Variants in PAAF1 observed in about 807,000 individuals in gnomAD.
PAAF1 encodes the protein proteasomal ATPase-associated factor 1.
PAAF1 carries 46 observed loss-of-function variants against 52.8 expected under a neutral mutation model. The observed-to-expected ratio is 0.87, with a 90% CI of 0.69 to 1.11. The LOEUF is 1.11. Among genes scored for constraint, PAAF1 ranks in the 50% most tolerant of loss-of-function variants. PAAF1 has a pLI of 0.00. For missense variants in PAAF1, 424 were observed against 477.4 expected, an observed-to-expected ratio of 0.89 and a Z score of 1.04; for synonymous variants, 178 against 172.8, an observed-to-expected ratio of 1.03 and a Z score of -0.24.
intron 6 of PAAF1, among the ~76,000 whole-genome samples, chr11:73,902,547 A>G (rs1949650702): frequency 6.6e-6 from 1 of 152,224 alleles, no homozygotes; most frequent in East Asian, 1.9e-4. Flanking sequence ...CATATTCAAC[A>G]TCAGTGCACA....
chr11:73,902,094 T>G (rs1038468533), intron 6 of PAAF1, among the ~76,000 whole-genome samples: 1 of 149,194 alleles, frequency 6.7e-6, no homozygotes, highest in African/African-American at 2.5e-5. Flanking sequence ...TAAACTGGCC[T>G]CAAGTGATCT....
intron 8 of PAAF1, 37 bp downstream of exon 8, chr11:73,914,541 A>T: frequency 6.4e-7 from 1 of 1,563,244 alleles, no homozygotes; most frequent in East Asian, 2.2e-5. Flanking sequence ...ACTCTGAGGC[A>T]ACCTGGGTCA....
At chr11:73,890,539 G>A (rs115914792) in intron 3 of PAAF1, among the ~76,000 whole-genome samples, 86 of 152,298 alleles carry the variant, frequency 5.6e-4, no homozygotes, top group African/African-American at 2.1e-3. Context: ...AATAGGCACC[G>A]TAAGCCTGAC....
At chr11:73,913,021 C>T (rs1308409699) in intron 7 of PAAF1, among the ~76,000 whole-genome samples, 1 of 152,160 alleles carries the variant, frequency 6.6e-6, no homozygotes, top group Non-Finnish European at 1.5e-5. Context: ...GGATTACAGG[C>T]GTGCACTACC....
intron 9 of PAAF1, 73 bp from the exon 10 acceptor site, chr11:73,918,877 A>G: frequency 9.3e-7 from 1 of 1,077,834 alleles, no homozygotes; most frequent in Non-Finnish European, 1.4e-6. Flanking sequence ...TGTGGTTAGT[A>G]CTATATGTTG....
chr11:73,881,906 C>T (rs1354833383), intron 2 of PAAF1, among the ~76,000 whole-genome samples: 1 of 151,560 alleles, frequency 6.6e-6, no homozygotes, highest in Non-Finnish European at 1.5e-5. Context: ...TGGAGCTTTG[C>T]TCTTGTTGTC....
chr11:73,894,923 G>T (rs1314566365), intron 4 of PAAF1, among the ~76,000 whole-genome samples: 1 of 152,208 alleles, frequency 6.6e-6, no homozygotes, highest in East Asian at 1.9e-4. Flanking sequence ...GGTCAGGGCT[G>T]CAGTGAGCTG....
At chr11:73,921,633 G>C in intron 10 of PAAF1, 1 of 682,118 alleles carries the variant, frequency 1.5e-6, no homozygotes, top group Non-Finnish European at 2.8e-6. Flanking sequence ...GGGCTCTGGA[G>C]ATGGTGGCTG....
In PAAF1 at chr11:73,927,899, G is replaced by A. The variant is rs1273204075; in HGVS notation, c.*537G>A. On this transcript the variant is annotated 3_prime_UTR_variant, in exon 12 of 12. Coordinates refer to ENST00000310571, the MANE Select transcript of PAAF1 (RefSeq NM_025155.3). ...ACCTGGGAGAGATTCTTATGCAGGT[G>A]GTAACCAACTGTCCCAGTTTGCTTG... The A allele has an allele frequency of 1.3e-5, 2 of 154,256 alleles. No homozygotes were observed. The highest frequency in any genetic ancestry group is 4.8e-5 in the African/African-American group (2 of 41,438). 9.6% of individuals were successfully genotyped at this position (154,256 alleles called of 1,614,324 possible). A position where few individuals can be genotyped will look rare whatever the true frequency, so the allele number is the denominator to read the frequency against.
chr11:73,887,169 C>T, intron 2 of PAAF1, 185 bp from the exon 3 acceptor site: 1 of 514,954 alleles, frequency 1.9e-6, no homozygotes, highest in Non-Finnish European at 3.5e-6. Flanking sequence ...CAACACTAAA[C>T]AGACTAAGAC....
chr11:73,925,676 A>G (rs1446100043), intron 11 of PAAF1, among the ~76,000 whole-genome samples: 4 of 152,120 alleles, frequency 2.6e-5, no homozygotes, highest in Non-Finnish European at 5.9e-5. Flanking sequence ...CAAAAGGGGA[A>G]TATTTATTGA....
At chr11:73,878,986 G>A in intron 2 of PAAF1, 167 bp downstream of exon 2, 1 of 459,630 alleles carries the variant, frequency 2.2e-6, no homozygotes, top group South Asian at 5.2e-5. Context: ...CCATTCCAAG[G>A]GAAGGCCTTC....
At position 73,927,319 on chromosome 11, in the gene PAAF1, G is replaced by A. The variant is rs562273508; in HGVS notation, c.1136G>A (p.Cys379Tyr). 17 of 1,614,060 alleles carry A rather than the reference G, an allele frequency of 1.1e-5. No homozygotes were observed. Among genetic ancestry groups the A allele is most frequent in the Non-Finnish European group, 1.3e-5 (15 of 1,180,036 alleles). ...TGGGAGAAGCAGATCTACACATGCTGTCGAGACGGTCTTGTACGACGCTAC... is the reference window on the plus strand; with the variant it reads ...TGGGAGAAGCAGATCTACACATGCTATCGAGACGGTCTTGTACGACGCTAC... ...ATWEKQIYTC[C>Y]RDGLVRRYQL... Residue 379 changes from cysteine (C) to tyrosine (Y), a missense_variant, in exon 12 of 12, where the codon TGT becomes TAT. By Grantham distance (194) the Cys-to-Tyr change is radical. Coordinates refer to ENST00000310571, the MANE Select transcript of PAAF1 (RefSeq NM_025155.3).
At chr11:73,883,588 C>T (rs1050137987) in intron 2 of PAAF1, among the ~76,000 whole-genome samples, 2 of 152,034 alleles carry the variant, frequency 1.3e-5, no homozygotes, top group Non-Finnish European at 2.9e-5. Flanking sequence ...ATCTCGGCTC[C>T]TCACTGCAGC....
At chr11:73,880,727 A>G (rs553289786) in intron 2 of PAAF1, 20 of 146,150 alleles carry the variant, frequency 1.4e-4, no homozygotes, top group African/African-American at 4.8e-4. Flanking sequence ...AGCCAGGCAC[A>G]GCAGCTCACG....
At chr11:73,916,266 T>C (rs1367125351) in intron 8 of PAAF1, among the ~76,000 whole-genome samples, 1 of 152,188 alleles carries the variant, frequency 6.6e-6, no homozygotes, top group East Asian at 1.9e-4. Flanking sequence ...GTGAGGATCC[T>C]GTGAGACAGT....
intron 10 of PAAF1, 84 bp from the exon 11 acceptor site, chr11:73,924,531 T>C: frequency 8.6e-7 from 1 of 1,156,692 alleles, no homozygotes. Context: ...ACTAGTGATC[T>C]ACAGAAGCAA....
At chr11:73,906,739 CAT>C (rs918592744) in intron 6 of PAAF1, among the ~76,000 whole-genome samples, 5 of 152,304 alleles carry the variant, frequency 3.3e-5, no homozygotes, top group East Asian at 1.9e-4. Flanking sequence ...ACTTGAGAGA[CAT>C]GTGGTTAATC....
At chr11:73,884,825 G>T (rs1949014548) in intron 2 of PAAF1, among the ~76,000 whole-genome samples, 1 of 151,760 alleles carries the variant, frequency 6.6e-6, no homozygotes, top group Admixed American at 6.6e-5. Context: ...ATTAATTGAT[G>T]AATCCTTCCT....
Sources: allele counts gnomAD v4.1 joint callset (sites outside exome capture counted in the v4.1 genomes callset), GRCh38; gene constraint gnomAD v4.1.1; transcripts MANE v1.5; gene names NCBI Gene and HGNC (gene_info 2026-07-23, HGNC 2026-07-21).